The following SLC25A19 variants were observed in gnomAD, a reference collection of about 807,000 sequenced individuals.
The protein encoded by SLC25A19 is solute carrier family 25 member 19, also known as mitochondrial thiamine pyrophosphate carrier.
A neutral mutation model predicts 27.9 loss-of-function variants in SLC25A19; 18 were observed. That is an observed-to-expected ratio of 0.64 (90% CI 0.45 to 0.96). The LOEUF is 0.96. SLC25A19 is among the 40% of genes least tolerant of loss of function. The probability of loss-of-function intolerance (pLI) is 0.00; values close to 1 mark genes in which losing one functional copy is unlikely to be tolerated. For missense variants in SLC25A19, 371 were observed against 418.3 expected, an observed-to-expected ratio of 0.89 and a Z score of 0.99; for synonymous variants, 169 against 167.1, an observed-to-expected ratio of 1.01 and a Z score of -0.09.
At chr17:75,284,424 A>G (rs1344259619) in intron 4 of SLC25A19, among the ~76,000 whole-genome samples, 1 of 152,098 alleles carries the variant, frequency 6.6e-6, no homozygotes, top group Admixed American at 6.6e-5. Flanking sequence ...AAAAAGATAC[A>G]TGAGAACAAT....
At chr17:75,282,485 G>T (rs1390854307) in intron 5 of SLC25A19, among the ~76,000 whole-genome samples, 2 of 152,128 alleles carry the variant, frequency 1.3e-5, no homozygotes, top group Non-Finnish European at 2.9e-5. Context: ...GGAGGCAGAG[G>T]TTGCAGTGAG....
At chr17:75,278,561 C>T (rs1375736843) in intron 5 of SLC25A19, among the ~76,000 whole-genome samples, 2 of 152,138 alleles carry the variant, frequency 1.3e-5, no homozygotes, top group African/African-American at 4.8e-5. Flanking sequence ...CAGGTGTGCA[C>T]AAAAGTATGT....
chr17:75,280,597 A>G (rs1307272441), intron 5 of SLC25A19, among the ~76,000 whole-genome samples: 2 of 151,656 alleles, frequency 1.3e-5, no homozygotes, highest in African/African-American at 4.9e-5. Flanking sequence ...GGTGGATCAC[A>G]AGGTCAGGAG....
intron 7 of SLC25A19, 84 bp downstream of exon 7, chr17:75,277,269 A>G (rs1282932536): frequency 5.1e-6 from 8 of 1,569,428 alleles, no homozygotes; most frequent in Non-Finnish European, 7.0e-6. Flanking sequence ...ATGTTGCCCA[A>G]TGGGTAGGAG....
chr17:75,275,184 G>T (rs2077850178), intron 7 of SLC25A19, among the ~76,000 whole-genome samples: 1 of 151,168 alleles, frequency 6.6e-6, no homozygotes, highest in African/African-American at 2.4e-5. Flanking sequence ...GTAGAGACGG[G>T]GTCTTGCTAT....
At chr17:75,283,100 C>T (rs933813550) in intron 5 of SLC25A19, among the ~76,000 whole-genome samples, 2 of 151,044 alleles carry the variant, frequency 1.3e-5, no homozygotes, top group African/African-American at 4.9e-5. Flanking sequence ...GAGATCGAGA[C>T]CATCCTGGCT....
rs776356552 is a variant in SLC25A19 at position 75,284,633 on chromosome 17, C to CATTTTTTTTTTTTTTTTT, written c.289-1041_289-1040insAAAAAAAAAAAAAAAAAT. 1.8e-5 allele frequency among the ~76,000 whole-genome samples: 2 copies of CATTTTTTTTTTTTTTTTT among 112,292 alleles called. 1 individual carries two copies. Among genetic ancestry groups the CATTTTTTTTTTTTTTTTT allele is most frequent in the Non-Finnish European group, 3.6e-5 (2 of 55,872 alleles). The allele number at this position is 112,292 out of a possible 152,430, so 73.7% of individuals were successfully genotyped here. A position where few individuals can be genotyped will look rare whatever the true frequency, so the allele number is the denominator to read the frequency against. ...GTGACCCCCTTACATTCAGATCTTT[C>CATTTTTTTTTTTTTTTTT]TTTTTTTTTTTTTTTTTTTTTTTTT... On this transcript the variant is annotated intron_variant, in intron 4 of 7. Coordinates refer to ENST00000416858, the MANE Select transcript of SLC25A19 (RefSeq NM_001126121.2).
intron 5 of SLC25A19, among the ~76,000 whole-genome samples, chr17:75,278,756 G>A (rs2077962092): frequency 6.6e-6 from 1 of 151,890 alleles, no homozygotes. Context: ...GCTGAGGCAG[G>A]CAGATCACTT....
intron 2 of SLC25A19, chr17:75,287,021 C>A: frequency 2.2e-6 from 1 of 462,996 alleles, no homozygotes; most frequent in Non-Finnish European, 4.0e-6. Flanking sequence ...GGCAACACTG[C>A]AAAACCCCAA....
At chr17:75,280,028 TTCCCA>T (rs781025993) in intron 5 of SLC25A19, among the ~76,000 whole-genome samples, 15,934 of 152,114 alleles carry the variant, frequency 0.1, 988 homozygotes, top group South Asian at 0.19. Context: ...TATCCTTCCT[TTCCCA>T]CTAACAGTAT....
In SLC25A19 at chr17:75,274,023, A is replaced by G. The variant is rs991393898; in HGVS notation, c.775-384T>C. On this transcript the variant is annotated intron_variant, in intron 7 of 7. Coordinates refer to ENST00000416858, the MANE Select transcript of SLC25A19 (RefSeq NM_001126121.2). ...GTGATCCACCTGCTTCAGCCTCCCA[A>G]TGTGCTGGGATTACAGGCATGGACA... The G allele has an allele frequency of 7.4e-5, 23 of 309,904 alleles. No individual in the cohort carries two copies. The East Asian group carries it at 1.7e-3, about 23-fold the overall frequency. 19.2% of individuals were successfully genotyped at this position (309,904 alleles called of 1,614,324 possible).
At chr17:75,281,567 C>T (rs2078040089) in intron 5 of SLC25A19, among the ~76,000 whole-genome samples, 4 of 152,076 alleles carry the variant, frequency 2.6e-5, no homozygotes, top group African/African-American at 7.2e-5. Flanking sequence ...CATGGCATCA[C>T]GTGCCTGTAA....
intron 5 of SLC25A19, among the ~76,000 whole-genome samples, chr17:75,278,741 G>A (rs945128456): frequency 6.6e-6 from 1 of 152,036 alleles, no homozygotes; most frequent in Non-Finnish European, 1.5e-5. Context: ...CAGCACTTTG[G>A]GGAGGCTGAG....
At chr17:75,282,497 C>A (rs1172474165) in intron 5 of SLC25A19, among the ~76,000 whole-genome samples, 1 of 151,874 alleles carries the variant, frequency 6.6e-6, no homozygotes, top group Non-Finnish European at 1.5e-5. Flanking sequence ...TGCAGTGAGC[C>A]GAGATCTGGC....
Position 75,277,345 on chromosome 17 carries a change from C to A in SLC25A19, c.774+8G>T. The stretch of plus-strand genomic sequence containing the variant: ...TCAGAGCTGTCTGCCTGGGAGTGAA[C>A]GGCTCACCTGGCCAAAGGCAGCTCT... On this transcript the variant is annotated splice_region_variant and intron_variant, in intron 7 of 7. Transcript: ENST00000416858. 2 of 1,612,598 alleles carry A rather than the reference C, an allele frequency of 1.2e-6. No individual in the cohort carries two copies. The highest frequency in any genetic ancestry group is 1.7e-6 in the Non-Finnish European group (2 of 1,179,528).
At position 75,278,204 on chromosome 17, in the gene SLC25A19, G is replaced by C. The variant is rs565794451; in HGVS notation, c.591C>G (p.Ser197Arg). 1.6e-5 allele frequency: 26 copies of C among 1,614,036 alleles called. No individual in the cohort carries two copies. The African/African-American group carries it at 3.1e-4, about 19-fold the overall frequency. Residue 197 changes from serine to arginine, a missense_variant, in exon 6 of 8, where the codon AGC becomes AGG. Physicochemically the swap from Ser to Arg is moderately radical, Grantham distance 110 (BLOSUM62 -1). Coordinates refer to ENST00000416858, the MANE Select transcript of SLC25A19 (RefSeq NM_001126121.2). ...CCCACTTGTACAGGTGCTTCAAGGA[G>C]CTGTAGCAAGAGAACTGCAGCCCGG... ...PYAGLQFSCYSSLKHLYKWAI... is the reference protein window; with the variant it reads ...PYAGLQFSCYRSLKHLYKWAI...
chr17:75,276,246 G>C (rs2077883871), intron 7 of SLC25A19, among the ~76,000 whole-genome samples: 1 of 152,216 alleles, frequency 6.6e-6, no homozygotes, highest in Admixed American at 6.5e-5. Context: ...TTGCACTCCA[G>C]GCTGGGCAAC....
chr17:75,288,817 G>T (rs9889601), intron 1 of SLC25A19, among the ~76,000 whole-genome samples: 6,819 of 151,996 alleles, frequency 0.045, 489 homozygotes, highest in African/African-American at 0.15. Flanking sequence ...CACCCACCCT[G>T]GAACTCCTCC....
chr17:75,284,076 G>A (rs1309784383), intron 4 of SLC25A19, among the ~76,000 whole-genome samples: 2 of 151,100 alleles, frequency 1.3e-5, no homozygotes, highest in African/African-American at 4.9e-5. Flanking sequence ...TCATGCCACT[G>A]CGCTCTCCAG....
Sources: gnomAD v4.1 joint callset for allele counts (sites outside exome capture counted in the v4.1 genomes callset) on GRCh38, gnomAD v4.1.1 for gene constraint, MANE v1.5 for transcripts, NCBI Gene and HGNC (gene_info 2026-07-23, HGNC 2026-07-21) for gene names.